Variants in NRDC observed in about 807,000 individuals in gnomAD.
The protein encoded by NRDC is nardilysin.
In NRDC, 54 loss-of-function variants were observed where a neutral mutation model predicts 147.1. That is an observed-to-expected ratio of 0.37 (90% CI 0.29 to 0.46). The LOEUF (loss-of-function observed/expected upper bound fraction) is 0.46, where lower values mean the gene tolerates loss of function less well. Ranked by LOEUF, NRDC falls within the 20% of genes least tolerant of loss-of-function variation. NRDC has a pLI of 1.00. For missense variants in NRDC, 1,082 were observed against 1,370.6 expected (o/e 0.79, Z 3.33); for synonymous variants, 440 against 482.1 (o/e 0.91, Z 1.14).
chr1:51,821,432 G>T, intron 8 of NRDC, 66 bp downstream of exon 8: 1 of 1,073,696 alleles, frequency 9.3e-7, no homozygotes, highest in South Asian at 1.4e-5. Flanking sequence ...AAACCTTTGG[G>T]ACTCATACAA....
rs553695948 is a variant in NRDC at position 51,875,614 on chromosome 1, AG to A, written c.341+2660del. 5.4e-3 allele frequency among the ~76,000 whole-genome samples: 819 copies of A among 152,288 alleles called. 1 individual carries two copies. The highest frequency in any genetic ancestry group is 8.6e-3 in the Non-Finnish European group (582 of 68,024). ...CTCACTGCCACCCAGGCTGGAGTGCAGTGGCACGATCATGGCTCACTGCAGC... is the reference window on the plus strand; with the variant it reads ...CTCACTGCCACCCAGGCTGGAGTGCATGGCACGATCATGGCTCACTGCAGC... On this transcript the variant is annotated intron_variant, in intron 1 of 30. Coordinates refer to ENST00000352171, the MANE Select transcript of NRDC (RefSeq NM_001101662.2).
intron 11 of NRDC, 121 bp from the exon 12 acceptor site, chr1:51,814,934 A>T: frequency 9.4e-7 from 1 of 1,060,048 alleles, no homozygotes; most frequent in Non-Finnish European, 1.3e-6. Context: ...CTTTGAATGT[A>T]AACATATACT....
At chr1:51,791,923 A>T (rs1678676033) in intron 26 of NRDC, 123 bp downstream of exon 26, 1 of 1,003,824 alleles carries the variant, frequency 1.0e-6, no homozygotes, top group African/African-American at 1.6e-5. Context: ...TGGATGACTA[A>T]ATATCACCCT....
intron 21 of NRDC, 69 bp from the exon 22 acceptor site, chr1:51,798,480 T>C: frequency 7.4e-7 from 1 of 1,352,114 alleles, no homozygotes; most frequent in Non-Finnish European, 1.0e-6. Flanking sequence ...AATAAAGAAA[T>C]GTTTGGTCAA....
At chr1:51,810,493 C>T in intron 15 of NRDC, 89 bp from the exon 16 acceptor site, 1 of 1,108,108 alleles carries the variant, frequency 9.0e-7, no homozygotes. Context: ...TTGTTAGGCA[C>T]CTCCAAGATC....
intron 1 of NRDC, among the ~76,000 whole-genome samples, chr1:51,863,260 G>C (rs1418167206): frequency 6.6e-6 from 1 of 151,820 alleles, no homozygotes; most frequent in East Asian, 1.9e-4. Flanking sequence ...AAATTAGCTG[G>C]GCATGGTGGC....
intron 1 of NRDC, among the ~76,000 whole-genome samples, chr1:51,853,324 T>C (rs1256423412): frequency 6.6e-6 from 1 of 152,090 alleles, no homozygotes; most frequent in African/African-American, 2.4e-5. Flanking sequence ...ACTCTGCCTC[T>C]ATATAAAAGG....
intron 10 of NRDC, among the ~76,000 whole-genome samples, 199 bp from the exon 11 acceptor site, chr1:51,816,588 A>G (rs572505253): frequency 6.6e-6 from 1 of 152,364 alleles, no homozygotes; most frequent in East Asian, 1.9e-4. Context: ...CTTTCATTTG[A>G]GATTACTGAA....
intron 18 of NRDC, 67 bp from the exon 19 acceptor site, chr1:51,805,628 T>C: frequency 1.1e-6 from 1 of 899,966 alleles, no homozygotes; most frequent in East Asian, 2.6e-5. Flanking sequence ...TCTGTTATTT[T>C]CCCCTAATAT....
At chr1:51,822,333 T>G (rs888524791) in intron 7 of NRDC, among the ~76,000 whole-genome samples, 1 of 152,144 alleles carries the variant, frequency 6.6e-6, no homozygotes, top group African/African-American at 2.4e-5. Flanking sequence ...ATGGTATAAT[T>G]AATGCTAAAA....
At chr1:51,816,687 C>G (rs576543853) in intron 10 of NRDC, among the ~76,000 whole-genome samples, 1 of 152,182 alleles carries the variant, frequency 6.6e-6, no homozygotes, top group African/African-American at 2.4e-5. Flanking sequence ...TTTGCTTCAC[C>G]CAATATGAAA....
Position 51,824,713 on chromosome 1 carries a change from T to C in NRDC, c.1036+574A>G, listed in dbSNP as rs190212223. 3.9e-5 allele frequency among the ~76,000 whole-genome samples: 6 copies of C among 152,312 alleles called. No individual in the cohort carries two copies. The East Asian group carries it at 1.2e-3, about 29-fold the overall frequency. Reference sequence around the variant, plus strand: ...AACTATTGCTAACTCTGTTGACAAATGGAAATGTCAGGCTGAGGTAGAGCA... The same window carrying C: ...AACTATTGCTAACTCTGTTGACAAACGGAAATGTCAGGCTGAGGTAGAGCA... On this transcript the variant is annotated intron_variant, in intron 6 of 30. Coordinates refer to ENST00000352171, the MANE Select transcript of NRDC (RefSeq NM_001101662.2).
intron 1 of NRDC, among the ~76,000 whole-genome samples, chr1:51,846,150 C>T (rs1681564251): frequency 6.6e-6 from 1 of 151,654 alleles, no homozygotes; most frequent in African/African-American, 2.4e-5. Flanking sequence ...CTCACTCTGA[C>T]GCCCAGGTTG....
At chr1:51,855,233 T>A (rs971562869) in intron 1 of NRDC, among the ~76,000 whole-genome samples, 15 of 152,146 alleles carry the variant, frequency 9.9e-5, no homozygotes, top group Non-Finnish European at 1.5e-4. Context: ...TACCTGCAAA[T>A]CATCGGGGAG....
At chr1:51,878,057 TC>T in intron 1 of NRDC, 6 of 1,404,430 alleles carry the variant, frequency 4.3e-6, no homozygotes, top group Non-Finnish European at 5.5e-6. Flanking sequence ...GAAAAGCTTC[TC>T]CCATTCTGAC....
chr1:51,853,957 A>G (rs1190198890), intron 1 of NRDC, among the ~76,000 whole-genome samples: 2 of 152,174 alleles, frequency 1.3e-5, no homozygotes, highest in Admixed American at 6.5e-5. Flanking sequence ...CTTGTGCTTT[A>G]TATCATAACC....
intron 1 of NRDC, among the ~76,000 whole-genome samples, chr1:51,872,157 C>G (rs1683115922): frequency 6.6e-6 from 1 of 152,172 alleles, no homozygotes; most frequent in African/African-American, 2.4e-5. Context: ...AGGCGTGAGC[C>G]ACGGCGCCCA....
intron 1 of NRDC, among the ~76,000 whole-genome samples, chr1:51,844,376 A>G (rs765768044): frequency 1.3e-5 from 2 of 152,118 alleles, no homozygotes; most frequent in Non-Finnish European, 2.9e-5. Flanking sequence ...TGGTATCCTT[A>G]TAAAATGAAG....
intron 6 of NRDC, among the ~76,000 whole-genome samples, chr1:51,824,358 T>G (rs1680350346): frequency 1.3e-5 from 2 of 152,112 alleles, no homozygotes; most frequent in Admixed American, 6.5e-5. Flanking sequence ...ACTCCTGACC[T>G]CATGATCCAC....
Sources: allele counts gnomAD v4.1 joint callset (sites outside exome capture counted in the v4.1 genomes callset), GRCh38; gene constraint gnomAD v4.1.1; transcripts MANE v1.5; gene names NCBI Gene and HGNC (gene_info 2026-07-23, HGNC 2026-07-21).